Variants in CNTN4 observed in about 807,000 individuals in gnomAD.
CNTN4 encodes contactin-4.
CNTN4 carries 77 observed loss-of-function variants against 122.5 expected under a neutral mutation model. The observed-to-expected ratio is 0.63, with a 90% confidence interval of 0.52 to 0.76. The LOEUF (loss-of-function observed/expected upper bound fraction) is 0.76, where lower values mean the gene tolerates loss of function less well. Among genes scored for constraint, CNTN4 ranks in the 30% least tolerant of loss-of-function variants. The probability of loss-of-function intolerance (pLI) is 0.00; values close to 1 mark genes in which losing one functional copy is unlikely to be tolerated. For missense variants in CNTN4, 1,256 were observed against 1,259.1 expected (o/e 1.00, Z 0.04); for synonymous variants, 512 against 447.0 (o/e 1.15, Z -1.83).
At chr3:2,380,707 T>TC (rs1373380500) in intron 3 of CNTN4, among the ~76,000 whole-genome samples, 2 of 152,012 alleles carry the variant, frequency 1.3e-5, no homozygotes, top group East Asian at 1.9e-4. Context: ...GTTTCTTTTT[T>TC]TTTTTTTCCA....
chr3:2,910,248 A>G (rs1046919618), intron 12 of CNTN4, among the ~76,000 whole-genome samples: 3 of 152,188 alleles, frequency 2.0e-5, no homozygotes, highest in Non-Finnish European at 4.4e-5. Flanking sequence ...CCTTACATCA[A>G]TTCCCCCAAA....
chr3:2,409,830 A>T (rs886403107), intron 3 of CNTN4, among the ~76,000 whole-genome samples: 2 of 152,082 alleles, frequency 1.3e-5, no homozygotes, highest in African/African-American at 4.8e-5. Flanking sequence ...GTATACATAA[A>T]ATTATATGTT....
In CNTN4 at chr3:2,630,605, G is replaced by C. The variant is rs190979748; in HGVS notation, c.55+59047G>C. Among the ~76,000 whole-genome samples, 6 of 152,086 alleles carry C rather than the reference G, an allele frequency of 3.9e-5. No homozygotes were observed. The East Asian group carries it at 1.2e-3, about 29-fold the overall frequency. Reference sequence around the variant, plus strand: ...GTACACGAATCATAAATAATACTGAGAAACTATAACTTAATATTGTTAAAT... The same window carrying C: ...GTACACGAATCATAAATAATACTGACAAACTATAACTTAATATTGTTAAAT... On this transcript the variant is annotated intron_variant, in intron 4 of 24. Coordinates refer to ENST00000418658, the MANE Select transcript of CNTN4 (RefSeq NM_175607.3).
intron 7 of CNTN4, among the ~76,000 whole-genome samples, chr3:2,861,585 T>TA (rs2093671976): frequency 6.6e-6 from 1 of 152,236 alleles, no homozygotes; most frequent in South Asian, 2.1e-4. Flanking sequence ...ATCATGCTGT[T>TA]AAAATCATTT....
chr3:2,592,478 G>GT (rs1245109820), intron 4 of CNTN4, among the ~76,000 whole-genome samples: 2 of 152,156 alleles, frequency 1.3e-5, no homozygotes, highest in Non-Finnish European at 2.9e-5. Flanking sequence ...GACGTACCGG[G>GT]TAAGAGATGA....
At chr3:2,781,016 T>C (rs879226898) in intron 6 of CNTN4, among the ~76,000 whole-genome samples, 1 of 152,072 alleles carries the variant, frequency 6.6e-6, no homozygotes, top group Non-Finnish European at 1.5e-5. Flanking sequence ...GCAAATCAAC[T>C]ATGGTCCTGC....
At chr3:2,227,090 G>A (rs558120676) in intron 2 of CNTN4, among the ~76,000 whole-genome samples, 2 of 152,038 alleles carry the variant, frequency 1.3e-5, no homozygotes, top group African/African-American at 4.8e-5. Flanking sequence ...TACTACCTGC[G>A]TATTTATTTA....
intron 4 of CNTN4, among the ~76,000 whole-genome samples, chr3:2,627,704 A>G (rs368528930): frequency 2.9e-4 from 44 of 152,134 alleles, no homozygotes; most frequent in Middle Eastern, 3.4e-3. Flanking sequence ...CGTGTTAGCC[A>G]GGATGGTCTC....
chr3:2,729,488 G>T (rs1042287708), intron 4 of CNTN4, among the ~76,000 whole-genome samples: 5 of 139,908 alleles, frequency 3.6e-5, no homozygotes, highest in Non-Finnish European at 7.5e-5. Flanking sequence ...AGGTTGCAGT[G>T]AGCCGAGATC....
chr3:2,830,754 G>A (rs2093086693), intron 7 of CNTN4, among the ~76,000 whole-genome samples: 1 of 152,158 alleles, frequency 6.6e-6, no homozygotes, highest in Non-Finnish European at 1.5e-5. Context: ...AATATACCCT[G>A]TGAATCTCAT....
intron 4 of CNTN4, among the ~76,000 whole-genome samples, chr3:2,683,628 T>A (rs1473626766): frequency 7.2e-6 from 1 of 138,200 alleles, no homozygotes; most frequent in Non-Finnish European, 1.5e-5. Context: ...AGTAGTATAG[T>A]ATTAACTTGT....
At chr3:2,629,248 A>G (rs748805184) in intron 4 of CNTN4, among the ~76,000 whole-genome samples, 9 of 152,174 alleles carry the variant, frequency 5.9e-5, no homozygotes, top group African/African-American at 9.7e-5. Context: ...GGCCATCTGC[A>G]AGCCAAGAAG....
chr3:2,866,499 G>A (rs1332965383), intron 7 of CNTN4: 5 of 1,320,758 alleles, frequency 3.8e-6, no homozygotes, highest in Non-Finnish European at 4.9e-6. Context: ...TTGACTTAAA[G>A]AGGTTGGACA....
At chr3:2,255,368 C>T (rs938081425) in intron 2 of CNTN4, among the ~76,000 whole-genome samples, 1 of 152,108 alleles carries the variant, frequency 6.6e-6, no homozygotes, top group African/African-American at 2.4e-5. Flanking sequence ...CAATATTAGA[C>T]AGATCAATGA....
intron 6 of CNTN4, among the ~76,000 whole-genome samples, chr3:2,786,180 C>T (rs114777851): frequency 0.012 from 1,848 of 152,188 alleles, 13 homozygotes; most frequent in Non-Finnish European, 0.017. Flanking sequence ...ATTCACCACC[C>T]TCCAATTTGT....
chr3:2,104,642 A>C (rs2125099031), intron 2 of CNTN4, among the ~76,000 whole-genome samples: 1 of 152,268 alleles, frequency 6.6e-6, no homozygotes, highest in African/African-American at 2.4e-5. Context: ...GGTTGTCATG[A>C]CTTCTGCCCA....
At chr3:2,535,790 A>C (rs921453509) in intron 3 of CNTN4, among the ~76,000 whole-genome samples, 1 of 152,010 alleles carries the variant, frequency 6.6e-6, no homozygotes, top group Non-Finnish European at 1.5e-5. Context: ...TTTTTTGTCC[A>C]TGCATGTTTA....
intron 2 of CNTN4, among the ~76,000 whole-genome samples, chr3:2,121,947 C>T (rs979294732): frequency 1.3e-5 from 2 of 151,966 alleles, no homozygotes; most frequent in Admixed American, 6.6e-5. Context: ...GGGCGGATCA[C>T]GAGGTCAGGA....
chr3:2,815,841 CATCA>C (rs1293873116), intron 6 of CNTN4, among the ~76,000 whole-genome samples: 1 of 147,804 alleles, frequency 6.8e-6, no homozygotes, highest in African/African-American at 2.6e-5. Context: ...CACAAGTGCC[CATCA>C]ATCAATAAGT....
Sources: allele counts gnomAD v4.1 joint callset (sites outside exome capture counted in the v4.1 genomes callset), GRCh38; gene constraint gnomAD v4.1.1; transcripts MANE v1.5; gene names NCBI Gene and HGNC (gene_info 2026-07-23, HGNC 2026-07-21).